FAM81A: variants seen among roughly 807,000 people sequenced by gnomAD.
The protein encoded by FAM81A is protein FAM81A.
In FAM81A, 19 loss-of-function variants were observed where a neutral mutation model predicts 46.7. That is an observed-to-expected ratio of 0.41 (90% CI 0.28 to 0.60). FAM81A has a LOEUF of 0.60. FAM81A is among the 20% of genes least tolerant of loss of function. The pLI, the probability that FAM81A is intolerant of heterozygous loss-of-function variation, is 0.34. For synonymous variants in FAM81A, 183 were observed against 152.9 expected (o/e 1.20, Z -1.45); for missense variants, 377 against 453.5 (o/e 0.83, Z 1.53).
chr15:59,470,601 C>T (rs2081674228), intron 3 of FAM81A, among the ~76,000 whole-genome samples: 1 of 152,172 alleles, frequency 6.6e-6, no homozygotes, highest in Non-Finnish European at 1.5e-5. Context: ...GTTAGCCATT[C>T]ATCTAATCTT....
chr15:59,475,398 G>A (rs563098031), intron 3 of FAM81A, among the ~76,000 whole-genome samples: 61 of 152,066 alleles, frequency 4.0e-4, no homozygotes, highest in Non-Finnish European at 7.6e-4. Context: ...AGTTATGTAT[G>A]GCCTCCCAAA....
At chr15:59,417,501 T>C (rs191522410) in intron 2 of FAM81A, among the ~76,000 whole-genome samples, 1 of 151,150 alleles carries the variant, frequency 6.6e-6, no homozygotes, top group African/African-American at 2.4e-5. Flanking sequence ...AGGTCAGGAG[T>C]TCGAGACCAG....
chr15:59,503,683 G>C (rs552815261), intron 4 of FAM81A, among the ~76,000 whole-genome samples: 8 of 151,832 alleles, frequency 5.3e-5, no homozygotes, highest in African/African-American at 1.9e-4. Flanking sequence ...AGCGATTCTT[G>C]TGCCTCAGCC....
chr15:59,412,307 A>T (rs1299570830), intron 2 of FAM81A, among the ~76,000 whole-genome samples: 1 of 152,226 alleles, frequency 6.6e-6, no homozygotes, highest in African/African-American at 2.4e-5. Flanking sequence ...GAGAGAAAAG[A>T]CTTGCTGAAA....
intron 3 of FAM81A, among the ~76,000 whole-genome samples, chr15:59,479,028 T>C (rs2081810655): frequency 6.6e-6 from 1 of 152,172 alleles, no homozygotes; most frequent in South Asian, 2.1e-4. Flanking sequence ...ACTAACCCAC[T>C]AACAGCCAGG....
At chr15:59,451,054 A>C (rs1486231162) in intron 1 of FAM81A, among the ~76,000 whole-genome samples, 1 of 152,232 alleles carries the variant, frequency 6.6e-6, no homozygotes, top group Non-Finnish European at 1.5e-5. Context: ...TCTGTCCACC[A>C]CAGCAGGGAC....
At chr15:59,499,579 T>C (rs564702337) in intron 4 of FAM81A, among the ~76,000 whole-genome samples, 1 of 152,340 alleles carries the variant, frequency 6.6e-6, no homozygotes, top group South Asian at 2.1e-4. Context: ...GTATTTCTTC[T>C]AGCGTGGTTC....
chr15:59,484,710 G>A (rs1433407579), intron 3 of FAM81A, among the ~76,000 whole-genome samples: 3 of 152,192 alleles, frequency 2.0e-5, no homozygotes, highest in African/African-American at 7.2e-5. Flanking sequence ...GTGGCTGTGA[G>A]GAGAGATTTC....
chr15:59,487,855 T>A (rs1184675073), intron 3 of FAM81A, among the ~76,000 whole-genome samples: 1 of 152,176 alleles, frequency 6.6e-6, no homozygotes, highest in Non-Finnish European at 1.5e-5. Context: ...ATACTGTAAC[T>A]ATTCTGAAAA....
intron 1 of FAM81A, among the ~76,000 whole-genome samples, chr15:59,440,394 C>G (rs895657227): frequency 2.0e-5 from 3 of 152,086 alleles, no homozygotes; most frequent in Non-Finnish European, 4.4e-5. Context: ...CTGATGTACA[C>G]CCAGGTACAG....
chr15:59,451,512 G>C (rs533691016), intron 1 of FAM81A, among the ~76,000 whole-genome samples: 61 of 151,396 alleles, frequency 4.0e-4, no homozygotes, highest in African/African-American at 1.0e-3. Flanking sequence ...GAAGGCAGTG[G>C]TGTGATCTGG....
chr15:59,435,574 C>G (rs960829478), upstream of FAM81A, among the ~76,000 whole-genome samples: 1 of 152,144 alleles, frequency 6.6e-6, no homozygotes, highest in Non-Finnish European at 1.5e-5. Context: ...GAGCCAAGAT[C>G]GAGAGCCTCT....
At chr15:59,487,845 A>G (rs1404946980) in intron 3 of FAM81A, among the ~76,000 whole-genome samples, 3 of 152,322 alleles carry the variant, frequency 2.0e-5, no homozygotes, top group African/African-American at 7.2e-5. Context: ...AATAGCAATC[A>G]TACTGTAACT....
At chr15:59,420,632 A>G (rs551058387) in intron 2 of FAM81A, among the ~76,000 whole-genome samples, 25 of 152,234 alleles carry the variant, frequency 1.6e-4, no homozygotes, top group Non-Finnish European at 2.6e-4. Context: ...TATAATCCCA[A>G]TGATTTTAAT....
intron 8 of FAM81A, among the ~76,000 whole-genome samples, chr15:59,520,927 G>T (rs1412715977): frequency 6.6e-6 from 1 of 152,170 alleles, no homozygotes. Context: ...ATGTCAAGAA[G>T]TGATGTTGTG....
At chr15:59,518,613 G>T (rs762744047) in intron 8 of FAM81A, among the ~76,000 whole-genome samples, 1 of 151,998 alleles carries the variant, frequency 6.6e-6, no homozygotes, top group Non-Finnish European at 1.5e-5. Context: ...GGTGTGAGCC[G>T]CTGCCTGGTT....
At chr15:59,426,593 C>T (rs1567040330) in intron 2 of FAM81A, among the ~76,000 whole-genome samples, 1 of 152,210 alleles carries the variant, frequency 6.6e-6, no homozygotes, top group Admixed American at 6.5e-5. Context: ...GCGTGGGCAA[C>T]AAGAGCGAAA....
chr15:59,458,475 A>C (rs957294673), intron 1 of FAM81A, 75 bp from the exon 2 acceptor site: 2 of 967,244 alleles, frequency 2.1e-6, no homozygotes, highest in Non-Finnish European at 3.1e-6. Context: ...TCCACTTAGC[A>C]ACTTAATAAT....
intron 4 of FAM81A, among the ~76,000 whole-genome samples, chr15:59,495,533 C>A (rs1479758779): frequency 1.3e-5 from 2 of 152,018 alleles, no homozygotes; most frequent in African/African-American, 4.8e-5. Context: ...GGATATGTAC[C>A]TAGAATGAAA....
Sources: gnomAD v4.1 joint callset for allele counts (sites outside exome capture counted in the v4.1 genomes callset) on GRCh38, gnomAD v4.1.1 for gene constraint, MANE v1.5 for transcripts, NCBI Gene and HGNC (gene_info 2026-07-23, HGNC 2026-07-21) for gene names.